Variants in PTPRG observed in about 807,000 individuals in gnomAD.
PTPRG encodes protein tyrosine phosphatase receptor type G, also known as receptor-type tyrosine-protein phosphatase gamma.
In PTPRG, 102 loss-of-function variants were observed where a neutral mutation model predicts 165.3. The ratio of observed to expected loss-of-function variants is 0.62; its 90% CI spans 0.53 to 0.73. PTPRG has a LOEUF of 0.73. Ranked by LOEUF, PTPRG falls within the 30% of genes least tolerant of loss-of-function variation. The pLI is 0.00. For missense variants in PTPRG, 1,866 were observed against 1,861.4 expected, an observed-to-expected ratio of 1.00 and a Z score of -0.05; for synonymous variants, 675 against 669.5, an observed-to-expected ratio of 1.01 and a Z score of -0.13.
chr3:61,979,475 C>T (rs958844393), intron 2 of PTPRG, among the ~76,000 whole-genome samples: 1 of 152,152 alleles, frequency 6.6e-6, no homozygotes, highest in Non-Finnish European at 1.5e-5. Flanking sequence ...GAGAAATTAA[C>T]AAAGCTAACA....
In PTPRG at chr3:61,913,385, A is replaced by G. The variant is rs2038851550; in HGVS notation, c.191-76240A>G. 2.6e-5 allele frequency among the ~76,000 whole-genome samples: 4 copies of G among 152,056 alleles called. No individual in the cohort carries two copies. The South Asian group carries it at 8.3e-4, about 32-fold the overall frequency. On this transcript the variant is annotated intron_variant, in intron 2 of 29. Coordinates refer to ENST00000474889, the MANE Select transcript of PTPRG (RefSeq NM_002841.4). Reference sequence around the variant, plus strand: ...CAGGTGCCCGCCACCACGCCCGCCTAATTTTTTGTATTTTTAGTAGAGACG... The same window carrying G: ...CAGGTGCCCGCCACCACGCCCGCCTGATTTTTTGTATTTTTAGTAGAGACG...
At chr3:62,161,204 C>G (rs919312914) in intron 7 of PTPRG, among the ~76,000 whole-genome samples, 2 of 152,060 alleles carry the variant, frequency 1.3e-5, no homozygotes, top group African/African-American at 4.8e-5. Flanking sequence ...ACAGGAAGTG[C>G]TTTGGAGATA....
Position 62,229,005 on chromosome 3 carries a change from CTTTT to C in PTPRG, c.2289-2215_2289-2212del, listed in dbSNP as rs540977005. 6.6e-6 allele frequency among the ~76,000 whole-genome samples: 1 copy of C among 151,908 alleles called. No homozygotes were observed. The highest frequency in any genetic ancestry group is 1.5e-5 in the Non-Finnish European group (1 of 67,986). ...CCATATCTGTGGCCATATTTCAAGA[CTTTT>C]TTTTAATCATTAGGAATAATTTTTA... On this transcript the variant is annotated intron_variant, in intron 13 of 29. Coordinates refer to ENST00000474889, the MANE Select transcript of PTPRG (RefSeq NM_002841.4). The surrounding 1 kb of genome is among the most constrained non-coding windows in gnomAD (Gnocchi z 4.6).
intron 2 of PTPRG, among the ~76,000 whole-genome samples, chr3:61,961,488 G>C (rs1395436843): frequency 6.6e-6 from 1 of 152,098 alleles, no homozygotes; most frequent in African/African-American, 2.4e-5. Context: ...TGTTTTCTTA[G>C]GGTAATTGTG....
intron 1 of PTPRG, among the ~76,000 whole-genome samples, chr3:61,642,836 T>A (rs1702102221): frequency 6.6e-6 from 1 of 152,168 alleles, no homozygotes; most frequent in Non-Finnish European, 1.5e-5. Flanking sequence ...TTGCAGCCCA[T>A]CAATGAATTG....
intron 4 of PTPRG, among the ~76,000 whole-genome samples, chr3:62,057,772 A>C (rs937457190): frequency 2.6e-5 from 4 of 152,232 alleles, no homozygotes; most frequent in Non-Finnish European, 5.9e-5. Context: ...GGTAATGCCC[A>C]AGAACTCCAA....
At chr3:62,177,123 T>A (rs557245984) in intron 8 of PTPRG, among the ~76,000 whole-genome samples, 109 of 150,938 alleles carry the variant, frequency 7.2e-4, no homozygotes, top group East Asian at 6.1e-3. Flanking sequence ...AAAATTTATC[T>A]TTTTTTTAAC....
At chr3:62,262,996 G>C in intron 17 of PTPRG, 102 bp downstream of exon 17, 2 of 821,846 alleles carry the variant, frequency 2.4e-6, no homozygotes, top group Non-Finnish European at 3.9e-6. Flanking sequence ...TGCCAAGAAA[G>C]AATGATTCTT....
At chr3:61,649,598 C>G (rs553240379) in intron 1 of PTPRG, among the ~76,000 whole-genome samples, 137 of 152,254 alleles carry the variant, frequency 9.0e-4, no homozygotes, top group South Asian at 5.4e-3. Flanking sequence ...GTAAAGATCC[C>G]GATTCTTAAT....
At chr3:61,731,677 C>CT (rs1260177064) in intron 1 of PTPRG, among the ~76,000 whole-genome samples, 1 of 152,032 alleles carries the variant, frequency 6.6e-6, no homozygotes, top group Non-Finnish European at 1.5e-5. Flanking sequence ...CTATGCAGGG[C>CT]TTTAAAGCCA....
chr3:61,815,968 AC>A (rs1275450815), intron 2 of PTPRG, among the ~76,000 whole-genome samples: 2 of 152,178 alleles, frequency 1.3e-5, no homozygotes, highest in African/African-American at 4.8e-5. Flanking sequence ...GCCATCTTTA[AC>A]CCTTGAAAAT....
intron 1 of PTPRG, among the ~76,000 whole-genome samples, chr3:61,693,657 A>G (rs1248428029): frequency 6.6e-6 from 1 of 152,176 alleles, no homozygotes; most frequent in Non-Finnish European, 1.5e-5. Flanking sequence ...GAGGGAGAAG[A>G]TGAAGACGTA....
At position 62,238,586 on chromosome 3, in the gene PTPRG, G is replaced by C. The variant is rs542194502; in HGVS notation, c.2376-5221G>C. On this transcript the variant is annotated intron_variant, in intron 14 of 29. Transcript: ENST00000474889. The stretch of plus-strand genomic sequence containing the variant: ...TCACAGTGGTTCATAATTGGACACA[G>C]TACATACCAGAATCCCTAGAGGGAG... Among the ~76,000 whole-genome samples the C allele has an allele frequency of 3.9e-5, 6 of 152,266 alleles. No homozygotes were observed. In the South Asian group the frequency reaches 1.2e-3, roughly 32 times the overall value.
intron 1 of PTPRG, among the ~76,000 whole-genome samples, chr3:61,681,449 G>A (rs1229825826): frequency 6.6e-6 from 1 of 152,198 alleles, no homozygotes; most frequent in Non-Finnish European, 1.5e-5. Flanking sequence ...TTGTCCTGAA[G>A]GTTGACTGGA....
At chr3:62,094,431 A>G (rs6767322) in intron 5 of PTPRG, among the ~76,000 whole-genome samples, 19 of 152,148 alleles carry the variant, frequency 1.2e-4, no homozygotes, top group African/African-American at 4.6e-4. Flanking sequence ...CTTCTTCTGC[A>G]GGTCGCTCTC....
At chr3:61,956,222 T>C (rs2040025390) in intron 2 of PTPRG, among the ~76,000 whole-genome samples, 1 of 152,134 alleles carries the variant, frequency 6.6e-6, no homozygotes, top group South Asian at 2.1e-4. Context: ...GTTAATTACT[T>C]GTGTAACATA....
intron 2 of PTPRG, among the ~76,000 whole-genome samples, chr3:61,982,101 A>G (rs1365656190): frequency 6.6e-6 from 1 of 152,142 alleles, no homozygotes; most frequent in East Asian, 1.9e-4. Context: ...TCTCGATGGA[A>G]AGTCAGGATT....
At chr3:62,279,140 AG>A (rs1477101157) in intron 26 of PTPRG, among the ~76,000 whole-genome samples, 3 of 151,996 alleles carry the variant, frequency 2.0e-5, no homozygotes, top group African/African-American at 7.2e-5. Context: ...GATATCTCTG[AG>A]TTCTTTTTGT....
At chr3:61,911,643 A>G (rs1167559564) in intron 2 of PTPRG, among the ~76,000 whole-genome samples, 1 of 152,076 alleles carries the variant, frequency 6.6e-6, no homozygotes, top group Non-Finnish European at 1.5e-5. Flanking sequence ...GGTTTGTATG[A>G]TTGTTTCCCC....
Sources: gnomAD v4.1 joint callset for allele counts (sites outside exome capture counted in the v4.1 genomes callset) on GRCh38, gnomAD v4.1.1 for gene constraint, Gnocchi (gnomAD v3.1) non-coding constraint, MANE v1.5 for transcripts, NCBI Gene and HGNC (gene_info 2026-07-23, HGNC 2026-07-21) for gene names.